The following ERO1B variants were observed in gnomAD, a reference collection of about 807,000 sequenced individuals.
ERO1B encodes the protein ERO1-like protein beta.
In ERO1B, 49 loss-of-function variants were observed where a neutral mutation model predicts 75.3. The observed-to-expected ratio is 0.65, with a 90% CI of 0.52 to 0.83. The LOEUF is 0.83. ERO1B is among the 40% of genes least tolerant of loss of function. The probability of loss-of-function intolerance (pLI) is 0.00; values close to 1 mark genes in which losing one functional copy is unlikely to be tolerated. For missense variants in ERO1B, 512 were observed against 560.1 expected, an observed-to-expected ratio of 0.91 and a Z score of 0.87; for synonymous variants, 191 against 192.9, an observed-to-expected ratio of 0.99 and a Z score of 0.08.
chr1:236,266,738 A>T (rs1276912477), intron 2 of ERO1B, among the ~76,000 whole-genome samples: 1 of 151,922 alleles, frequency 6.6e-6, no homozygotes, highest in African/African-American at 2.4e-5. Context: ...ATTCCTTCTT[A>T]TTTCTTTTAT....
intron 1 of ERO1B, among the ~76,000 whole-genome samples, chr1:236,281,208 C>T (rs1242957405): frequency 1.3e-5 from 2 of 152,150 alleles, no homozygotes; most frequent in African/African-American, 2.4e-5. Flanking sequence ...GAAGTCTTGC[C>T]CCCTCCCAAT....
At chr1:236,253,159 G>C (rs1252875582) in intron 3 of ERO1B, among the ~76,000 whole-genome samples, 1 of 151,968 alleles carries the variant, frequency 6.6e-6, no homozygotes, top group Non-Finnish European at 1.5e-5. Flanking sequence ...CCTAGAACAG[G>C]CCTCTGATTT....
In ERO1B at chr1:236,218,595, G is replaced by T; in HGVS notation, c.1344-19C>A. On this transcript the variant is annotated intron_variant, in intron 15 of 15. Coordinates refer to ENST00000354619, the MANE Select transcript of ERO1B (RefSeq NM_019891.4). ...AGAAAGCCTATGGAAGAAAGAAAAA[G>T]CTTATTAGTAAGGCTAACATGTTGC... The T allele has an allele frequency of 7.4e-7, 1 of 1,345,658 alleles. No individual in the cohort carries two copies. Among genetic ancestry groups the T allele is most frequent in the Admixed American group, 2.9e-5 (1 of 35,060 alleles). The allele number at this position is 1,345,658 out of a possible 1,614,324, so 83.4% of individuals were successfully genotyped here.
chr1:236,243,877 G>C (rs549278401), intron 5 of ERO1B, among the ~76,000 whole-genome samples: 7 of 152,138 alleles, frequency 4.6e-5, no homozygotes, highest in African/African-American at 1.7e-4. Context: ...TTTATTTTCA[G>C]AATTCTTTTA....
rs1412011389 is a variant in ERO1B, at chr1:236,226,429, T to C, written c.892A>G (p.Arg298Gly). ...DPVETKGEGP[R>G]RLKNLYFLYL... The stretch of plus-strand genomic sequence containing the variant: ...AAAAAGTAAAGATTCTTGAGCCTTC[T>C]TGGACCTTCTCCCTTGGTTTCCACA... The change falls in exon 12 of 16, where the codon AGA becomes GGA. Residue 298 changes from arginine to glycine, a missense_variant. Transcript: ENST00000354619. 6.2e-7 allele frequency: 1 copy of C among 1,614,042 alleles called. No homozygotes were observed. Among genetic ancestry groups the C allele is most frequent in the African/African-American group, 1.3e-5 (1 of 74,928 alleles).
intron 1 of ERO1B, among the ~76,000 whole-genome samples, chr1:236,271,968 T>A (rs1665600175): frequency 6.6e-6 from 1 of 152,132 alleles, no homozygotes; most frequent in Non-Finnish European, 1.5e-5. Context: ...TTTGTAACCT[T>A]TAAAAGACTA....
At chr1:236,258,862 C>T (rs1665227677) in intron 2 of ERO1B, among the ~76,000 whole-genome samples, 1 of 152,134 alleles carries the variant, frequency 6.6e-6, no homozygotes, top group African/African-American at 2.4e-5. Flanking sequence ...GCACTCCAGC[C>T]TGGGTGATAG....
At chr1:236,262,722 T>C (rs771009852) in intron 2 of ERO1B, among the ~76,000 whole-genome samples, 1 of 152,126 alleles carries the variant, frequency 6.6e-6, no homozygotes, top group African/African-American at 2.4e-5. Context: ...TTTAAGCTGC[T>C]AAATTTAAAG....
intron 2 of ERO1B, among the ~76,000 whole-genome samples, chr1:236,255,061 C>T (rs1665128587): frequency 6.6e-6 from 1 of 151,732 alleles, no homozygotes; most frequent in African/African-American, 2.4e-5. Flanking sequence ...TAGCTGGGAC[C>T]ACAGATGTAC....
chr1:236,275,832 G>A (rs1268792879), intron 1 of ERO1B, among the ~76,000 whole-genome samples: 1 of 152,160 alleles, frequency 6.6e-6, no homozygotes, highest in Non-Finnish European at 1.5e-5. Flanking sequence ...CAGAAATAAA[G>A]ACCAAATATA....
chr1:236,223,990 C>T (rs143248443), intron 13 of ERO1B, among the ~76,000 whole-genome samples: 88 of 152,272 alleles, frequency 5.8e-4, no homozygotes, highest in African/African-American at 2.0e-3. Context: ...ACATCTAAAA[C>T]ATCTTGGGGT....
intron 8 of ERO1B, among the ~76,000 whole-genome samples, chr1:236,233,600 GAA>G (rs59372414): frequency 3.3e-5 from 4 of 119,578 alleles, no homozygotes; most frequent in Admixed American, 8.2e-5. Flanking sequence ...TCTGTCTCAA[GAA>G]AAAAAAAAAA....
Position 236,239,877 on chromosome 1 carries a change from A to ATGTG in ERO1B, c.506-3483_506-3480dup, listed in dbSNP as rs202156601. ...TATATATGTATATATATATGTGTAT[A>ATGTG]TGTGTGTGTGTGTGTATATATATAT... On this transcript the variant is annotated intron_variant, in intron 6 of 15. Transcript: ENST00000354619. 5.8e-3 allele frequency among the ~76,000 whole-genome samples: 555 copies of ATGTG among 95,862 alleles called. 23 individuals are homozygous for ATGTG. The highest frequency in any genetic ancestry group is 0.018 in the African/African-American group (473 of 27,010). 62.9% of individuals were successfully genotyped at this position (95,862 alleles called of 152,430 possible).
Position 236,253,929 on chromosome 1 carries a change from C to T in ERO1B, c.223-424G>A, listed in dbSNP as rs527485715. On this transcript the variant is annotated intron_variant, in intron 2 of 15. Transcript: ENST00000354619. ...AAATTAAATATTTGTAAGTTTAGTACGAGTTGTAGTCAGTGCTACAAAGAA... is the reference window on the plus strand; with the variant it reads ...AAATTAAATATTTGTAAGTTTAGTATGAGTTGTAGTCAGTGCTACAAAGAA... 2.4e-4 allele frequency among the ~76,000 whole-genome samples: 36 copies of T among 152,226 alleles called. 1 individual carries two copies. Among genetic ancestry groups the T allele is most frequent in the Admixed American group, 1.0e-3 (16 of 15,278 alleles).
rs114545503 is a variant in ERO1B at position 236,261,048 on chromosome 1, A to G, written c.223-7543T>C. Among the ~76,000 whole-genome samples, 1,440 of 152,306 alleles carry G rather than the reference A, an allele frequency of 9.5e-3. 22 individuals carry two copies. Among genetic ancestry groups the G allele is most frequent in the African/African-American group, 0.032 (1,335 of 41,574 alleles). On this transcript the variant is annotated intron_variant, in intron 2 of 15. Coordinates refer to ENST00000354619, the MANE Select transcript of ERO1B (RefSeq NM_019891.4). ...AAAATAATACACATTAAGCAAATTA[A>G]AGACAAAAGCCACATGATTATTTTG...
At position 236,258,149 on chromosome 1, in the gene ERO1B, C is replaced by CAAAAAA. The variant is rs58531434; in HGVS notation, c.223-4650_223-4645dup. On this transcript the variant is annotated intron_variant, in intron 2 of 15. Coordinates refer to ENST00000354619, the MANE Select transcript of ERO1B (RefSeq NM_019891.4). ...AGAAAGAAAAAAAAGAAAAACAAAGCAAAAAAAAAAAAAACCCAGCCAGAT... is the reference window on the plus strand; with the variant it reads ...AGAAAGAAAAAAAAGAAAAACAAAGCAAAAAAAAAAAAAAAAAAAACCCAGCCAGAT... Among the ~76,000 whole-genome samples the CAAAAAA allele has an allele frequency of 7.8e-4, 75 of 96,566 alleles. 7 individuals are homozygous for CAAAAAA. The highest frequency in any genetic ancestry group is 5.9e-3 in the East Asian group (15 of 2,550). The allele number at this position is 96,566 out of a possible 152,430, so 63.4% of individuals were successfully genotyped here. A position where few individuals can be genotyped will look rare whatever the true frequency, so the allele number is the denominator to read the frequency against.
chr1:236,264,560 T>C (rs1253219719), intron 2 of ERO1B, among the ~76,000 whole-genome samples: 2 of 151,812 alleles, frequency 1.3e-5, no homozygotes, highest in African/African-American at 2.4e-5. Context: ...AAGGGTGGGG[T>C]GGGCCAGGCA....
At chr1:236,266,612 A>T (rs961894582) in intron 2 of ERO1B, among the ~76,000 whole-genome samples, 1 of 152,082 alleles carries the variant, frequency 6.6e-6, no homozygotes, top group African/African-American at 2.4e-5. Flanking sequence ...TCAAAAAAAA[A>T]AAAATTAAAA....
chr1:236,245,836 C>T (rs1664872915), intron 5 of ERO1B, among the ~76,000 whole-genome samples: 1 of 151,518 alleles, frequency 6.6e-6, no homozygotes, highest in African/African-American at 2.4e-5. Context: ...ACATGATCCC[C>T]CTGCCTCGGC....
Sources: allele counts gnomAD v4.1 joint callset (sites outside exome capture counted in the v4.1 genomes callset), GRCh38; gene constraint gnomAD v4.1.1; transcripts MANE v1.5; gene names NCBI Gene and HGNC (gene_info 2026-07-23, HGNC 2026-07-21).